NPAS3: variants seen among roughly 807,000 people sequenced by gnomAD.
The protein encoded by NPAS3 is neuronal PAS domain protein 3.
In NPAS3, 14 loss-of-function variants were observed where a neutral mutation model predicts 73.1. The ratio of observed to expected loss-of-function variants is 0.19; its 90% CI spans 0.13 to 0.30. The LOEUF (loss-of-function observed/expected upper bound fraction) is 0.30, where lower values mean the gene tolerates loss of function less well. Ranked by LOEUF, NPAS3 falls within the 10% of genes least tolerant of loss-of-function variation. The pLI is 1.00. For missense variants in NPAS3, 1,096 were observed against 1,250.0 expected, an observed-to-expected ratio of 0.88 and a Z score of 1.86; for synonymous variants, 620 against 541.5, an observed-to-expected ratio of 1.14 and a Z score of -2.01.
At chr14:33,147,730 A>AAAATATATATATATATATATATAT (rs372663411) in intron 2 of NPAS3, among the ~76,000 whole-genome samples, 2 of 130,388 alleles carry the variant, frequency 1.5e-5, no homozygotes, top group African/African-American at 6.5e-5. Context: ...TAGAATAAAA[A>AAAATATATATATATATATATATAT]ATATATATAT....
At chr14:33,596,492 C>T (rs759545386) in intron 5 of NPAS3, among the ~76,000 whole-genome samples, 5 of 152,142 alleles carry the variant, frequency 3.3e-5, no homozygotes, top group South Asian at 2.1e-4. Context: ...TATGGCTTGC[C>T]GTTTACTCAA....
chr14:33,387,572 A>G lies in NPAS3; in HGVS notation c.468+20304A>G, dbSNP rs1411598007. ...ATTCACCTCACACATCCAGATGTAG[A>G]AATTTAACAGGTAGGGGGCTGCCTG... On this transcript the variant is annotated intron_variant, in intron 4 of 11. Transcript: ENST00000356141. 2.6e-5 allele frequency among the ~76,000 whole-genome samples: 4 copies of G among 152,060 alleles called. No homozygotes were observed. In the South Asian group the frequency reaches 6.2e-4, roughly 24 times the overall value.
intron 7 of NPAS3, among the ~76,000 whole-genome samples, chr14:33,769,753 TTTC>T (rs1566519973): frequency 3.7e-5 from 4 of 107,914 alleles, no homozygotes; most frequent in South Asian, 3.0e-4. Context: ...GGATTTTTTT[TTTC>T]TTTTTTTTTT....
At chr14:33,615,175 C>CAGTG (rs2057875388) in intron 5 of NPAS3, among the ~76,000 whole-genome samples, 1 of 152,072 alleles carries the variant, frequency 6.6e-6, no homozygotes, top group Admixed American at 6.5e-5. Context: ...GGGCAGTAGG[C>CAGTG]AGTGTATATC....
At chr14:33,361,183 C>T (rs1047851302) in intron 3 of NPAS3, among the ~76,000 whole-genome samples, 2 of 152,070 alleles carry the variant, frequency 1.3e-5, no homozygotes, top group Non-Finnish European at 2.9e-5. Flanking sequence ...GGTGGGTAGG[C>T]GAAGTGAATC....
chr14:33,773,862 T>C (rs750234318), intron 7 of NPAS3, among the ~76,000 whole-genome samples: 5 of 152,192 alleles, frequency 3.3e-5, no homozygotes, highest in Non-Finnish European at 5.9e-5. Context: ...GTTTTATTCA[T>C]TGGAGCCTTT....
intron 5 of NPAS3, among the ~76,000 whole-genome samples, chr14:33,607,443 T>C (rs1488749039): frequency 6.6e-5 from 10 of 151,356 alleles, no homozygotes; most frequent in Non-Finnish European, 1.5e-5. Context: ...ATATATAAAA[T>C]TCTAGGAAAT....
intron 2 of NPAS3, among the ~76,000 whole-genome samples, chr14:33,079,838 C>G (rs2041808343): frequency 6.6e-6 from 1 of 151,844 alleles, no homozygotes. Context: ...TCTCAAATTC[C>G]TGACCTCCAG....
chr14:33,263,146 G>T (rs1489808055), intron 3 of NPAS3, among the ~76,000 whole-genome samples: 2 of 152,092 alleles, frequency 1.3e-5, no homozygotes, highest in African/African-American at 2.4e-5. Context: ...TGTCAATTTT[G>T]GCTTTTGTTG....
chr14:33,609,057 C>T (rs1229771575), intron 5 of NPAS3, among the ~76,000 whole-genome samples: 2 of 152,200 alleles, frequency 1.3e-5, no homozygotes, highest in African/African-American at 4.8e-5. Context: ...TTTGCTGTAT[C>T]CACTTGCTGC....
intron 1 of NPAS3, among the ~76,000 whole-genome samples, chr14:33,022,439 C>A (rs889218450): frequency 6.6e-6 from 1 of 151,904 alleles, no homozygotes; most frequent in African/African-American, 2.4e-5. Flanking sequence ...CTGAGGCGGG[C>A]GGATCACGAG....
chr14:33,631,138 T>C (rs1429573935), intron 5 of NPAS3, among the ~76,000 whole-genome samples: 2 of 152,192 alleles, frequency 1.3e-5, no homozygotes, highest in Non-Finnish European at 2.9e-5. Context: ...CCTAACTTTA[T>C]AGAAAGTGCT....
At chr14:33,647,036 T>C (rs186491357) in intron 5 of NPAS3, among the ~76,000 whole-genome samples, 5 of 152,168 alleles carry the variant, frequency 3.3e-5, no homozygotes, top group Non-Finnish European at 4.4e-5. Context: ...TCAATACTTT[T>C]GAAACAAAAG....
intron 5 of NPAS3, among the ~76,000 whole-genome samples, chr14:33,623,978 G>A (rs945542554): frequency 2.6e-5 from 4 of 152,134 alleles, no homozygotes; most frequent in African/African-American, 9.7e-5. Flanking sequence ...ATATGGCATC[G>A]CTTGTTCTCC....
At chr14:33,109,063 T>A (rs971771432) in intron 2 of NPAS3, among the ~76,000 whole-genome samples, 1 of 152,186 alleles carries the variant, frequency 6.6e-6, no homozygotes, top group African/African-American at 2.4e-5. Flanking sequence ...AAACTATTCC[T>A]AGTAATAATA....
intron 7 of NPAS3, among the ~76,000 whole-genome samples, chr14:33,740,124 T>G (rs1289347565): frequency 6.6e-6 from 1 of 152,180 alleles, no homozygotes; most frequent in Non-Finnish European, 1.5e-5. Flanking sequence ...ACAGATAAAG[T>G]GAGATAACAC....
chr14:33,140,381 A>G (rs145189886), intron 2 of NPAS3, among the ~76,000 whole-genome samples: 60 of 152,188 alleles, frequency 3.9e-4, no homozygotes, highest in African/African-American at 1.2e-3. Context: ...AAAAACAGTC[A>G]CTATTTTGAG....
At chr14:33,632,119 T>C (rs1027444191) in intron 5 of NPAS3, among the ~76,000 whole-genome samples, 6 of 152,322 alleles carry the variant, frequency 3.9e-5, no homozygotes, top group African/African-American at 1.2e-4. Flanking sequence ...TCTGTGTAAC[T>C]GATAACTAGC....
intron 5 of NPAS3, among the ~76,000 whole-genome samples, chr14:33,669,949 C>G (rs2059564819): frequency 6.6e-6 from 1 of 152,020 alleles, no homozygotes; most frequent in Non-Finnish European, 1.5e-5. Flanking sequence ...GAGTCTCACT[C>G]TTGTCACCCA....
Sources: gnomAD v4.1 joint callset for allele counts (sites outside exome capture counted in the v4.1 genomes callset) on GRCh38, gnomAD v4.1.1 for gene constraint, MANE v1.5 for transcripts, NCBI Gene and HGNC (gene_info 2026-07-23, HGNC 2026-07-21) for gene names.